The following ST13 variants were observed in gnomAD, a reference collection of about 807,000 sequenced individuals.
ST13 encodes the protein hsc70-interacting protein.
Under a neutral mutation model 56.7 loss-of-function variants are expected in ST13, and 23 were observed. That is an observed-to-expected ratio of 0.41 (90% CI 0.29 to 0.57). The LOEUF is 0.57. ST13 is among the 20% of genes least tolerant of loss of function. The pLI is 0.36. For synonymous variants in ST13, 132 were observed against 142.4 expected, an observed-to-expected ratio of 0.93 and a Z score of 0.52; for missense variants, 369 against 459.9, an observed-to-expected ratio of 0.80 and a Z score of 1.81.
At position 40,840,856 on chromosome 22, in the gene ST13, TTACA is replaced by T. The variant is rs761279679; in HGVS notation, c.316-168_316-165del. On this transcript the variant is annotated intron_variant, in intron 4 of 11. Coordinates refer to ENST00000216218, the MANE Select transcript of ST13 (RefSeq NM_003932.5). ...ATTATGATAACTCATTAGTGAGAAATTACATACGAGTTTTAACCTTTTATACTAA... is the reference window on the plus strand; with the variant it reads ...ATTATGATAACTCATTAGTGAGAAATTACGAGTTTTAACCTTTTATACTAA... Among the ~76,000 whole-genome samples the T allele has an allele frequency of 3.3e-5, 5 of 152,156 alleles. No homozygotes were observed. In the East Asian group the frequency reaches 7.7e-4, roughly 23 times the overall value.
chr22:40,852,818 A>G (rs1308857635), intron 1 of ST13, among the ~76,000 whole-genome samples: 1 of 152,230 alleles, frequency 6.6e-6, no homozygotes, highest in Non-Finnish European at 1.5e-5. Context: ...GAGCACAGTA[A>G]TCACCAGTCC....
chr22:40,845,772 C>T (rs1452211422), intron 3 of ST13, among the ~76,000 whole-genome samples: 2 of 150,994 alleles, frequency 1.3e-5, no homozygotes, highest in Non-Finnish European at 3.0e-5. Context: ...AACACATTTG[C>T]AAATAGTTAA....
intron 7 of ST13, 189 bp downstream of exon 7, chr22:40,835,366 CTTTTA>C (rs1223806349): frequency 2.2e-6 from 1 of 453,194 alleles, no homozygotes; most frequent in Non-Finnish European, 4.0e-6. Context: ...CTCACTTCTT[CTTTTA>C]AATTTCTTTT....
chr22:40,840,017 G>T (rs2057795432), intron 5 of ST13, among the ~76,000 whole-genome samples: 1 of 151,852 alleles, frequency 6.6e-6, no homozygotes. Flanking sequence ...GGGCATGGTG[G>T]TACGCGCTTG....
At chr22:40,841,665 G>T (rs1404531893) in intron 4 of ST13, among the ~76,000 whole-genome samples, 1 of 152,118 alleles carries the variant, frequency 6.6e-6, no homozygotes, top group Non-Finnish European at 1.5e-5. Flanking sequence ...CCGGTGCAGT[G>T]GTGCAATCAC....
intron 3 of ST13, among the ~76,000 whole-genome samples, chr22:40,846,888 A>T (rs1235797443): frequency 6.6e-6 from 1 of 151,840 alleles, no homozygotes; most frequent in Non-Finnish European, 1.5e-5. Context: ...CCAGCTACTC[A>T]GGAGGCTGAG....
intron 1 of ST13, among the ~76,000 whole-genome samples, chr22:40,853,643 C>T (rs1243771696): frequency 6.6e-6 from 1 of 152,160 alleles, no homozygotes; most frequent in African/African-American, 2.4e-5. Context: ...TTCTAATCTG[C>T]TTTGTGCTAT....
chr22:40,833,145 C>T (rs5750998), intron 7 of ST13, among the ~76,000 whole-genome samples: 18,196 of 152,208 alleles, frequency 0.12, 1,934 homozygotes, highest in African/African-American at 0.28. Flanking sequence ...GCAACGAAAA[C>T]TGAGAATTCA....
intron 3 of ST13, among the ~76,000 whole-genome samples, chr22:40,846,050 C>A (rs764581365): frequency 1.3e-5 from 2 of 152,022 alleles, no homozygotes; most frequent in East Asian, 3.8e-4. Context: ...AATTGTCCTG[C>A]GTCAGTCTCC....
intron 10 of ST13, among the ~76,000 whole-genome samples, chr22:40,828,952 A>C (rs894076812): frequency 7.2e-5 from 11 of 152,246 alleles, no homozygotes; most frequent in Admixed American, 5.9e-4. Context: ...CAACATTAGC[A>C]GTCACTTTCT....
chr22:40,840,798 A>G lies in ST13; in HGVS notation c.316-106T>C. On this transcript the variant is annotated intron_variant, in intron 4 of 11. Transcript: ENST00000216218. The stretch of plus-strand genomic sequence containing the variant: ...GCAGTCACAATACCCATTTTCATTC[A>G]TTCTTCTGTAGTCTCCAGAGAACAA... 3.6e-6 allele frequency: 3 copies of G among 827,402 alleles called. No homozygotes were observed. In the South Asian group the frequency reaches 5.0e-5, roughly 14 times the overall value. 51.3% of individuals were successfully genotyped at this position (827,402 alleles called of 1,614,324 possible).
intron 1 of ST13, among the ~76,000 whole-genome samples, chr22:40,852,111 A>G (rs1445677099): frequency 6.6e-6 from 1 of 152,222 alleles, no homozygotes; most frequent in Non-Finnish European, 1.5e-5. Context: ...ATTTGTGGTC[A>G]TAAGGGTATG....
rs1457046017 is a variant in ST13, at chr22:40,835,890, A to G, written c.383-3T>C. The G allele has an allele frequency of 1.9e-6, 3 of 1,606,032 alleles. No individual in the cohort carries two copies. The highest frequency in any genetic ancestry group is 1.7e-6 in the Non-Finnish European group (2 of 1,176,216). On this transcript the variant is annotated splice_polypyrimidine_tract_variant and splice_region_variant and intron_variant, in intron 5 of 11. Coordinates refer to ENST00000216218, the MANE Select transcript of ST13 (RefSeq NM_003932.5). ...GTCAATGGCTTTCTGGAGTTCACCT[A>G]AAGTGAAACAAAAGTTATCGAGAAA... is the stretch of plus-strand genomic sequence containing the variant.
intron 9 of ST13, 93 bp downstream of exon 9, chr22:40,830,747 A>C (rs1362836833): frequency 5.5e-6 from 4 of 723,064 alleles, no homozygotes; most frequent in Non-Finnish European, 9.3e-6. Context: ...GCCAGCATTA[A>C]ATAAAAGAGC....
intron 1 of ST13, among the ~76,000 whole-genome samples, chr22:40,851,824 C>T (rs1228943973): frequency 6.6e-6 from 1 of 151,568 alleles, no homozygotes; most frequent in Non-Finnish European, 1.5e-5. Context: ...TGGCTCACTG[C>T]AACCTCCACC....
At chr22:40,826,714 A>C in intron 11 of ST13, 48 bp from the exon 12 acceptor site, 1 of 1,595,782 alleles carries the variant, frequency 6.3e-7, no homozygotes, top group East Asian at 2.2e-5. Context: ...CTACTGGGTC[A>C]GTAAGTTTAT....
intron 8 of ST13, 76 bp downstream of exon 8, chr22:40,832,493 T>A: frequency 9.5e-7 from 1 of 1,050,062 alleles, no homozygotes; most frequent in Non-Finnish European, 1.5e-6. Context: ...TCAGATGAAT[T>A]ACAGCTGTCG....
intron 8 of ST13, 63 bp downstream of exon 8, chr22:40,832,506 G>C: frequency 8.5e-7 from 1 of 1,182,176 alleles, no homozygotes. Context: ...AGCTGTCGGG[G>C]GCTAAGCACT....
intron 1 of ST13, among the ~76,000 whole-genome samples, chr22:40,853,653 T>A (rs183954681): frequency 2.0e-5 from 3 of 152,222 alleles, no homozygotes; most frequent in Non-Finnish European, 4.4e-5. Flanking sequence ...CTTTGTGCTA[T>A]GGTTATTTGT....
Sources: gnomAD v4.1 joint callset for allele counts (sites outside exome capture counted in the v4.1 genomes callset) on GRCh38, gnomAD v4.1.1 for gene constraint, MANE v1.5 for transcripts, NCBI Gene and HGNC (gene_info 2026-07-23, HGNC 2026-07-21) for gene names.